The following TM9SF3 variants were observed in gnomAD, a reference collection of about 807,000 sequenced individuals.
The protein encoded by TM9SF3 is SM-11044-binding protein.
A neutral mutation model predicts 78.6 loss-of-function variants in TM9SF3; 14 were observed. The observed-to-expected ratio is 0.18, with a 90% CI of 0.12 to 0.28. The LOEUF is 0.28. TM9SF3 is among the 10% of genes least tolerant of loss of function. The pLI is 1.00. For synonymous variants in TM9SF3, 231 were observed against 241.7 expected, an observed-to-expected ratio of 0.96 and a Z score of 0.41; for missense variants, 496 against 721.9, an observed-to-expected ratio of 0.69 and a Z score of 3.59.
intron 3 of TM9SF3, among the ~76,000 whole-genome samples, chr10:96,564,722 C>A (rs1217751913): frequency 1.3e-5 from 2 of 152,246 alleles, no homozygotes; most frequent in Middle Eastern, 3.4e-3. Flanking sequence ...AACATATTGG[C>A]CATGACAGCT....
chr10:96,540,407 A>G (rs1288015790), intron 9 of TM9SF3, among the ~76,000 whole-genome samples: 1 of 152,174 alleles, frequency 6.6e-6, no homozygotes, highest in Non-Finnish European at 1.5e-5. Flanking sequence ...ACATTACTTA[A>G]TGTGATCTCT....
intron 1 of TM9SF3, among the ~76,000 whole-genome samples, chr10:96,578,839 G>A (rs113798645): frequency 2.6e-4 from 39 of 152,310 alleles, no homozygotes; most frequent in African/African-American, 7.2e-4. Flanking sequence ...ACCTTGGGAC[G>A]CCAAAGCAGG....
At chr10:96,579,019 G>T (rs1848530460) in intron 1 of TM9SF3, among the ~76,000 whole-genome samples, 1 of 152,252 alleles carries the variant, frequency 6.6e-6, no homozygotes, top group African/African-American at 2.4e-5. Context: ...GGAGGTTGCA[G>T]TGAGCCTGAG....
intron 9 of TM9SF3, among the ~76,000 whole-genome samples, chr10:96,542,842 T>C (rs1848050392): frequency 6.6e-6 from 1 of 152,170 alleles, no homozygotes; most frequent in African/African-American, 2.4e-5. Context: ...TAAAAGGTAT[T>C]AAATATTTAA....
At chr10:96,542,999 G>C (rs1848052180) in intron 9 of TM9SF3, among the ~76,000 whole-genome samples, 1 of 152,098 alleles carries the variant, frequency 6.6e-6, no homozygotes, top group East Asian at 1.9e-4. Flanking sequence ...GGGCTCTAAT[G>C]GCAGTTCTAC....
intron 1 of TM9SF3, chr10:96,577,579 T>A (rs1025039041): frequency 6.6e-6 from 1 of 152,176 alleles, no homozygotes; most frequent in African/African-American, 2.4e-5. Flanking sequence ...AGTTTAAAGT[T>A]CCAATGATTC....
At chr10:96,570,897 C>T (rs1391264480) in intron 2 of TM9SF3, among the ~76,000 whole-genome samples, 3 of 151,976 alleles carry the variant, frequency 2.0e-5, no homozygotes, top group Admixed American at 1.3e-4. Context: ...TACAGGTCCC[C>T]GGCTAATTTT....
chr10:96,573,067 C>T (rs954780756), intron 2 of TM9SF3, among the ~76,000 whole-genome samples: 32 of 152,180 alleles, frequency 2.1e-4, no homozygotes, highest in African/African-American at 6.0e-4. Flanking sequence ...TGTATGTGTA[C>T]GTATAGTTTT....
intron 9 of TM9SF3, among the ~76,000 whole-genome samples, chr10:96,537,574 T>C (rs1379328813): frequency 6.6e-6 from 1 of 152,204 alleles, no homozygotes; most frequent in Non-Finnish European, 1.5e-5. Context: ...GGCTCATGCC[T>C]GTAATCCCAG....
rs768326935 is a variant in TM9SF3 at position 96,528,192 on chromosome 10, T to C, written c.1395-15A>G. 8 of 1,604,434 alleles carry C rather than the reference T, an allele frequency of 5.0e-6. No homozygotes were observed. Among genetic ancestry groups the C allele is most frequent in the Admixed American group, 3.4e-5 (2 of 59,172 alleles). On this transcript the variant is annotated splice_polypyrimidine_tract_variant and intron_variant, in intron 11 of 14. Transcript: ENST00000371142. Reference sequence around the variant, plus strand: ...AGATGAAATACCTAAGTAAATGCAATAAAGACACAGGTTTCCAGTCTTTAT... The same window carrying C: ...AGATGAAATACCTAAGTAAATGCAACAAAGACACAGGTTTCCAGTCTTTAT...
chr10:96,524,691 C>T (rs573320952), intron 14 of TM9SF3, among the ~76,000 whole-genome samples: 1 of 151,828 alleles, frequency 6.6e-6, no homozygotes, highest in African/African-American at 2.4e-5. Flanking sequence ...AAATGCTATG[C>T]TCATAATATC....
chr10:96,580,583 G>A (rs1004239889), intron 1 of TM9SF3, among the ~76,000 whole-genome samples: 15 of 151,864 alleles, frequency 9.9e-5, no homozygotes, highest in Admixed American at 7.2e-4. Context: ...ATCTTCTTTC[G>A]TCATTCCACC....
At chr10:96,548,225 T>C (rs1848124694) in intron 7 of TM9SF3, among the ~76,000 whole-genome samples, 1 of 152,196 alleles carries the variant, frequency 6.6e-6, no homozygotes, top group Non-Finnish European at 1.5e-5. Flanking sequence ...CAGTTAAATG[T>C]TATGATATAT....
At chr10:96,548,107 T>C (rs1422728115) in intron 7 of TM9SF3, 118 bp from the exon 8 acceptor site, 2 of 623,870 alleles carry the variant, frequency 3.2e-6, no homozygotes, top group Admixed American at 3.5e-5. Flanking sequence ...TACAAAAATA[T>C]CACAACCTGG....
chr10:96,560,687 C>A (rs148043303), intron 4 of TM9SF3: 1 of 585,294 alleles, frequency 1.7e-6, no homozygotes, highest in Non-Finnish European at 3.3e-6. Flanking sequence ...ATGATGATGA[C>A]GATTTTGATG....
intron 1 of TM9SF3, among the ~76,000 whole-genome samples, chr10:96,579,706 G>C (rs1161213512): frequency 6.7e-6 from 1 of 148,936 alleles, no homozygotes; most frequent in Non-Finnish European, 1.5e-5. Context: ...AGGGTGAATA[G>C]CAAGGCAAAA....
At chr10:96,543,225 G>C (rs1848054919) in intron 9 of TM9SF3, among the ~76,000 whole-genome samples, 2 of 152,010 alleles carry the variant, frequency 1.3e-5, no homozygotes. Context: ...ATGTGTTCTA[G>C]TTTTAATATA....
At position 96,522,348 on chromosome 10, in the gene TM9SF3, G is replaced by A; in HGVS notation, c.1703-18C>T. 6.4e-7 allele frequency: 1 copy of A among 1,553,256 alleles called. No individual in the cohort carries two copies. The highest frequency in any genetic ancestry group is 8.6e-7 in the Non-Finnish European group (1 of 1,159,500). ...AATCGCTCCTGCAAAGATAAAATAA[G>A]ATGTTTTGAAACAAATACATACAGA... On this transcript the variant is annotated intron_variant, in intron 14 of 14. Coordinates refer to ENST00000371142, the MANE Select transcript of TM9SF3 (RefSeq NM_020123.4).
chr10:96,529,889 C>T (rs1847877824), intron 11 of TM9SF3, among the ~76,000 whole-genome samples: 1 of 152,180 alleles, frequency 6.6e-6, no homozygotes, highest in South Asian at 2.1e-4. Context: ...CAAGGGTGTA[C>T]AGCTGCAATA....
Sources: gnomAD v4.1 joint callset for allele counts (sites outside exome capture counted in the v4.1 genomes callset) on GRCh38, gnomAD v4.1.1 for gene constraint, MANE v1.5 for transcripts, NCBI Gene and HGNC (gene_info 2026-07-23, HGNC 2026-07-21) for gene names.